Variants in AGGF1 observed in about 807,000 individuals in gnomAD.
The protein encoded by AGGF1 is angiogenic factor with G patch and FHA domains 1.
Under a neutral mutation model 86.5 loss-of-function variants are expected in AGGF1, and 56 were observed. The ratio of observed to expected loss-of-function variants is 0.65; its 90% confidence interval spans 0.52 to 0.81. AGGF1 has a LOEUF of 0.81. AGGF1 is among the 30% of genes least tolerant of loss of function. The pLI is 0.00. For missense variants in AGGF1, 816 were observed against 850.9 expected (o/e 0.96, Z 0.51); for synonymous variants, 313 against 297.1 (o/e 1.05, Z -0.55).
rs1224747574 is a variant in AGGF1, at chr5:77,030,564, C to G, written c.-203C>G. ...GCCGCGCACATCGGGCAGGGGCCAT[C>G]CTCGGTCCCCTTGCTCGTTGCTCGC... is the stretch of plus-strand genomic sequence containing the variant. On this transcript the variant is annotated 5_prime_UTR_variant, in exon 1 of 14. The change creates a new upstream start codon in the 5' untranslated region. Transcript: ENST00000312916. The G allele has an allele frequency of 1.4e-6, 1 of 715,772 alleles. No homozygotes were observed. Among genetic ancestry groups the G allele is most frequent in the African/African-American group, 1.7e-5 (1 of 57,294 alleles). 44.3% of individuals were successfully genotyped at this position (715,772 alleles called of 1,614,324 possible).
intron 9 of AGGF1, 43 bp from the exon 10 acceptor site, chr5:77,053,922 G>A (rs368976966): frequency 6.3e-7 from 1 of 1,592,456 alleles, no homozygotes; most frequent in African/African-American, 1.3e-5. Flanking sequence ...GTAACCATAA[G>A]TGATTGTTTT....
intron 13 of AGGF1, 44 bp from the exon 14 acceptor site, chr5:77,063,008 G>A: frequency 1.2e-6 from 2 of 1,604,708 alleles, no homozygotes; most frequent in Non-Finnish European, 1.7e-6. Context: ...ATTTCAATGT[G>A]TTTAGACTCT....
intron 13 of AGGF1, 89 bp from the exon 14 acceptor site, chr5:77,062,963 C>CA: frequency 7.2e-7 from 1 of 1,396,732 alleles, no homozygotes; most frequent in Non-Finnish European, 1.0e-6. Flanking sequence ...TTTAATAAAT[C>CA]AAAAAATTGT....
At chr5:77,051,003 T>C (rs1408380382) in intron 8 of AGGF1, among the ~76,000 whole-genome samples, 1 of 152,222 alleles carries the variant, frequency 6.6e-6, no homozygotes, top group South Asian at 2.1e-4. Context: ...TTTGGGAATG[T>C]AATTTAGAAA....
At chr5:77,031,055 C>T (rs551600368) in intron 1 of AGGF1, 79 bp downstream of exon 1, 3 of 1,484,674 alleles carry the variant, frequency 2.0e-6, no homozygotes, top group East Asian at 2.3e-5. Flanking sequence ...CGGAAGGGGT[C>T]CCTGGCAGGG....
chr5:77,050,008 G>A (rs1203938771), intron 8 of AGGF1, among the ~76,000 whole-genome samples: 1 of 151,888 alleles, frequency 6.6e-6, no homozygotes, highest in Non-Finnish European at 1.5e-5. Context: ...TGGACCTAAA[G>A]TAGATTTTAT....
intron 5 of AGGF1, among the ~76,000 whole-genome samples, chr5:77,043,596 C>CT (rs1561286597): frequency 7.6e-6 from 1 of 130,874 alleles, no homozygotes; most frequent in Admixed American, 7.4e-5. Flanking sequence ...GACCCCCCCC[C>CT]CCCCGGATGG....
chr5:77,051,583 C>A (rs747833068), intron 8 of AGGF1, among the ~76,000 whole-genome samples: 1 of 152,102 alleles, frequency 6.6e-6, no homozygotes, highest in African/African-American at 2.4e-5. Flanking sequence ...AGCAAGAATT[C>A]TCACAGACTG....
At chr5:77,035,776 C>A (rs776286952) in intron 3 of AGGF1, 33 bp downstream of exon 3, 74 of 1,557,360 alleles carry the variant, frequency 4.8e-5, no homozygotes, top group Non-Finnish European at 6.0e-5. Context: ...ACTGTTGATG[C>A]CCAAGAACCT....
rs544372558 is a variant in AGGF1, at chr5:77,040,144, T to C, written c.870+425T>C. On this transcript the variant is annotated intron_variant, in intron 5 of 13. Coordinates refer to ENST00000312916, the MANE Select transcript of AGGF1 (RefSeq NM_018046.5). ...TTTTTTTGAGACAGAGTTTCACTCTTGTTGCCCGGGCTGGAATGCAATGGC... is the reference window on the plus strand; with the variant it reads ...TTTTTTTGAGACAGAGTTTCACTCTCGTTGCCCGGGCTGGAATGCAATGGC... 3.3e-5 allele frequency among the ~76,000 whole-genome samples: 5 copies of C among 151,746 alleles called. No homozygotes were observed. In the South Asian group the frequency reaches 1.0e-3, roughly 32 times the overall value.
At chr5:77,046,759 TGTA>T (rs2150731696) in intron 6 of AGGF1, 82 bp downstream of exon 6, 2 of 1,287,578 alleles carry the variant, frequency 1.6e-6, no homozygotes, top group East Asian at 2.3e-5. Context: ...GTTAGTGAGT[TGTA>T]GTATATCTGC....
At chr5:77,036,807 A>G (rs1319706761) in intron 4 of AGGF1, 87 bp downstream of exon 4, 2 of 1,434,154 alleles carry the variant, frequency 1.4e-6, no homozygotes, top group East Asian at 2.3e-5. Context: ...GAGTGATCTC[A>G]GCTCACTGCA....
rs778380225 is a variant in AGGF1, at chr5:77,035,666, A to G, written c.439A>G (p.Asn147Asp). 1.5e-5 allele frequency: 24 copies of G among 1,613,604 alleles called. No individual in the cohort carries two copies. Among genetic ancestry groups the G allele is most frequent in the Non-Finnish European group, 1.9e-5 (22 of 1,179,764 alleles). Reference sequence around the variant, plus strand: ...TTCTAAAGACCATTTACAAGTAGAAAATGATGCTTACCCTGGTACCGATAG... The same window carrying G: ...TTCTAAAGACCATTTACAAGTAGAAGATGATGCTTACCCTGGTACCGATAG... Reference protein sequence around the residue: ...LNSKDHLQVENDAYPGTDRTE... With the variant: ...LNSKDHLQVEDDAYPGTDRTE... Residue 147 changes from asparagine to aspartate, a missense_variant, in exon 3 of 14, where the codon AAT becomes GAT. Asn to Asp is a conservative substitution (Grantham distance 23). This residue lies in a region of AGGF1 where 240 missense variants were observed against 234.4 expected (regional missense o/e 1.02). Transcript: ENST00000312916.
chr5:77,030,827 G>C lies in AGGF1; in HGVS notation c.61G>C (p.Glu21Gln), dbSNP rs1238912433. 2 of 1,610,580 alleles carry C rather than the reference G, an allele frequency of 1.2e-6. No individual in the cohort carries two copies. Among genetic ancestry groups the C allele is most frequent in the South Asian group, 2.2e-5 (2 of 91,054 alleles). The change falls in exon 1 of 14, where the codon GAG becomes CAG. Residue 21 changes from glutamate to glutamine, a missense_variant. Physicochemically the swap from Glu to Gln is conservative, Grantham distance 29. This residue lies in a region of AGGF1 where 240 missense variants were observed against 234.4 expected (regional missense o/e 1.02). Transcript: ENST00000312916. Reference protein sequence around the residue: ...SPPPPTSPEPELAQLRRKVEK... With the variant: ...SPPPPTSPEPQLAQLRRKVEK... ...GCCGCCGCCCACCTCCCCCGAGCCTGAGCTGGCCCAGCTAAGGCGGAAGGT... is the reference window on the plus strand; with the variant it reads ...GCCGCCGCCCACCTCCCCCGAGCCTCAGCTGGCCCAGCTAAGGCGGAAGGT...
At chr5:77,036,491 C>A in intron 3 of AGGF1, 65 bp from the exon 4 acceptor site, 1 of 1,566,712 alleles carries the variant, frequency 6.4e-7, no homozygotes, top group South Asian at 1.1e-5. Context: ...GTCTTGAGTT[C>A]AGCCAACTTT....
chr5:77,037,929 A>G (rs1015553245), intron 4 of AGGF1, among the ~76,000 whole-genome samples: 8 of 152,358 alleles, frequency 5.3e-5, no homozygotes, highest in Admixed American at 3.9e-4. Context: ...TCTAATAATT[A>G]TATTTCGTTG....
intron 12 of AGGF1, among the ~76,000 whole-genome samples, chr5:77,060,195 A>G (rs1197004793): frequency 6.6e-6 from 1 of 152,226 alleles, no homozygotes; most frequent in Non-Finnish European, 1.5e-5. Flanking sequence ...CACTAAGTCT[A>G]TTTATACTTT....
intron 8 of AGGF1, among the ~76,000 whole-genome samples, chr5:77,052,305 A>G (rs985445911): frequency 6.6e-6 from 1 of 152,098 alleles, no homozygotes; most frequent in Non-Finnish European, 1.5e-5. Context: ...GGAAGCGGTG[A>G]TCACACCACT....
intron 8 of AGGF1, among the ~76,000 whole-genome samples, chr5:77,051,548 A>G (rs1747374049): frequency 6.6e-6 from 1 of 152,164 alleles, no homozygotes; most frequent in African/African-American, 2.4e-5. Context: ...GGCAACATCA[A>G]GTTTTGGTTT....
Sources: allele counts gnomAD v4.1 joint callset (sites outside exome capture counted in the v4.1 genomes callset), GRCh38; gene constraint gnomAD v4.1.1; regional missense constraint gnomAD v4.1.1; transcripts MANE v1.5; gene names NCBI Gene and HGNC (gene_info 2026-07-23, HGNC 2026-07-21).